Variants in FARP1 observed in about 807,000 individuals in gnomAD.
The protein encoded by FARP1 is FERM, ARH/RhoGEF and pleckstrin domain protein 1.
A neutral mutation model predicts 128.8 loss-of-function variants in FARP1; 52 were observed. The ratio of observed to expected loss-of-function variants is 0.40; its 90% confidence interval spans 0.32 to 0.51. The LOEUF is 0.51. Among genes scored for constraint, FARP1 ranks in the 20% least tolerant of loss-of-function variants. The pLI is 0.45. For missense variants in FARP1, 1,333 were observed against 1,367.9 expected, an observed-to-expected ratio of 0.97 and a Z score of 0.40; for synonymous variants, 580 against 551.8, an observed-to-expected ratio of 1.05 and a Z score of -0.72.
chr13:98,280,878 G>A (rs900504208), intron 2 of FARP1, among the ~76,000 whole-genome samples: 4 of 152,170 alleles, frequency 2.6e-5, no homozygotes, highest in African/African-American at 4.8e-5. Context: ...GGCTGGGTTC[G>A]TTCTGAGAAA....
chr13:98,201,186 T>A (rs1415685981), intron 1 of FARP1, among the ~76,000 whole-genome samples: 1 of 152,232 alleles, frequency 6.6e-6, no homozygotes, highest in East Asian at 1.9e-4. Context: ...TTCATGCCTG[T>A]ACTCCCAGCA....
intron 1 of FARP1, among the ~76,000 whole-genome samples, chr13:98,164,184 G>GA (rs1722849618): frequency 6.6e-6 from 1 of 152,226 alleles, no homozygotes; most frequent in Non-Finnish European, 1.5e-5. Flanking sequence ...ACGAAGGACA[G>GA]AAAGGCCCAG....
At chr13:98,380,604 G>A (rs1889855813) in intron 6 of FARP1, among the ~76,000 whole-genome samples, 1 of 151,598 alleles carries the variant, frequency 6.6e-6, no homozygotes, top group Non-Finnish European at 1.5e-5. Flanking sequence ...TTTTTAGACA[G>A]TCTCTGTCAC....
intron 2 of FARP1, among the ~76,000 whole-genome samples, chr13:98,214,548 G>C (rs958448846): frequency 6.6e-6 from 1 of 152,032 alleles, no homozygotes; most frequent in African/African-American, 2.4e-5. Flanking sequence ...ATTAACGTTG[G>C]TAACCCATCA....
chr13:98,330,076 G>A (rs1437697049), intron 2 of FARP1: 1 of 152,356 alleles, frequency 6.6e-6, no homozygotes, highest in Non-Finnish European at 1.5e-5. Flanking sequence ...AAAGAGGTGA[G>A]GGAATTAGCC....
intron 11 of FARP1, among the ~76,000 whole-genome samples, chr13:98,392,601 A>G (rs759987035): frequency 1.3e-5 from 2 of 151,882 alleles, no homozygotes; most frequent in Non-Finnish European, 2.9e-5. Context: ...TTTTAATACT[A>G]CCTTTTTTTT....
At chr13:98,236,668 C>A (rs1882438902) in intron 2 of FARP1, among the ~76,000 whole-genome samples, 1 of 152,048 alleles carries the variant, frequency 6.6e-6, no homozygotes, top group Non-Finnish European at 1.5e-5. Context: ...TCATTTACTA[C>A]CATAAAATGA....
Position 98,241,950 on chromosome 13 carries a change from A to T in FARP1, c.171+28537A>T, listed in dbSNP as rs117934247. ...AGCAACAACAACAACAACAAAACTT[A>T]AAAAATTAACCAGGCACGGTGGTAT... On this transcript the variant is annotated intron_variant, in intron 2 of 26. Coordinates refer to ENST00000319562, the MANE Select transcript of FARP1 (RefSeq NM_005766.4). Among the ~76,000 whole-genome samples, 95 of 152,194 alleles carry T rather than the reference A, an allele frequency of 6.2e-4. 5 individuals carry two copies. In the East Asian group the frequency reaches 0.018, roughly 30 times the overall value.
At chr13:98,382,341 T>A (rs1889916615) in intron 6 of FARP1, 1 of 152,112 alleles carries the variant, frequency 6.6e-6, no homozygotes, top group African/African-American at 2.4e-5. Flanking sequence ...GCGAATGAGT[T>A]TCATAGTCAT....
At chr13:98,338,076 A>C (rs1455696292) in intron 2 of FARP1, among the ~76,000 whole-genome samples, 1 of 152,178 alleles carries the variant, frequency 6.6e-6, no homozygotes, top group East Asian at 1.9e-4. Flanking sequence ...TATAGATGTG[A>C]GCCCTGTTCC....
chr13:98,345,939 G>A (rs140844778), intron 3 of FARP1, among the ~76,000 whole-genome samples: 36 of 152,298 alleles, frequency 2.4e-4, no homozygotes, highest in African/African-American at 6.5e-4. Flanking sequence ...GCCAGGCACC[G>A]TGCTAGGTTC....
At chr13:98,319,900 T>C (rs1188214335) in intron 2 of FARP1, among the ~76,000 whole-genome samples, 1 of 151,900 alleles carries the variant, frequency 6.6e-6, no homozygotes, top group African/African-American at 2.4e-5. Context: ...AAGTTAAAAG[T>C]GTGTTTCTGA....
At chr13:98,202,975 C>G (rs188519840) in intron 1 of FARP1, among the ~76,000 whole-genome samples, 1 of 152,312 alleles carries the variant, frequency 6.6e-6, no homozygotes, top group South Asian at 2.1e-4. Flanking sequence ...CTGCCTCAGC[C>G]TCCCAAAATG....
chr13:98,446,337 CG>C (rs1322099272), intron 25 of FARP1, 132 bp downstream of exon 25: 5 of 641,374 alleles, frequency 7.8e-6, no homozygotes, highest in Admixed American at 5.7e-5. Context: ...GGGATGCTGG[CG>C]GGGGGCCCTG....
At position 98,385,793 on chromosome 13, in the gene FARP1, C is replaced by G; in HGVS notation, c.738C>G (p.Asn246Lys). 1 of 1,614,168 alleles carries G rather than the reference C, an allele frequency of 6.2e-7. No individual in the cohort carries two copies. The highest frequency in any genetic ancestry group is 8.5e-7 in the Non-Finnish European group (1 of 1,180,030). ...CGAAGATCAATCTGGCCGTTGCCAA[C>G]ACGGGAATTCTAGTGTTTCAGGTGA... Reference protein sequence around the residue: ...EGTKINLAVANTGILVFQGFT... With the variant: ...EGTKINLAVAKTGILVFQGFT... The change falls in exon 8 of 27, where the codon AAC (asparagine) becomes AAG (lysine). Residue 246 changes from asparagine to lysine, a missense_variant. Physicochemically the swap from Asn to Lys is moderately conservative, Grantham distance 94 (BLOSUM62 0). Transcript: ENST00000319562.
chr13:98,207,865 C>T (rs1319040702), intron 1 of FARP1, among the ~76,000 whole-genome samples: 2 of 147,388 alleles, frequency 1.4e-5, no homozygotes, highest in Non-Finnish European at 3.0e-5. Context: ...ATTTTGGACA[C>T]AACTGACTTC....
At chr13:98,416,025 A>G (rs1213442429) in intron 16 of FARP1, among the ~76,000 whole-genome samples, 2 of 152,268 alleles carry the variant, frequency 1.3e-5, no homozygotes, top group Non-Finnish European at 2.9e-5. Flanking sequence ...GCGCAGAGAA[A>G]GCGGGGAAGC....
intron 2 of FARP1, among the ~76,000 whole-genome samples, chr13:98,313,383 G>A (rs1318271571): frequency 6.6e-6 from 1 of 151,796 alleles, no homozygotes; most frequent in African/African-American, 2.4e-5. Flanking sequence ...TGTGATGATG[G>A]GGGCAGAGAC....
chr13:98,258,037 G>C (rs546644882), intron 2 of FARP1, among the ~76,000 whole-genome samples: 3 of 151,894 alleles, frequency 2.0e-5, no homozygotes, highest in Admixed American at 6.6e-5. Context: ...GCAGTGGCAC[G>C]ATCTTGGCTC....
Sources: allele counts gnomAD v4.1 joint callset (sites outside exome capture counted in the v4.1 genomes callset), GRCh38; gene constraint gnomAD v4.1.1; transcripts MANE v1.5; gene names NCBI Gene and HGNC (gene_info 2026-07-23, HGNC 2026-07-21).